TBCCD1: variants seen among roughly 807,000 people sequenced by gnomAD.
The protein encoded by TBCCD1 is TBCC domain-containing protein 1.
A neutral mutation model predicts 53.4 loss-of-function variants in TBCCD1; 26 were observed. The ratio of observed to expected loss-of-function variants is 0.49; its 90% CI spans 0.36 to 0.68. The LOEUF (loss-of-function observed/expected upper bound fraction) is 0.68, where lower values mean the gene tolerates loss of function less well. TBCCD1 is among the 30% of genes least tolerant of loss of function. TBCCD1 has a pLI of 0.00. For synonymous variants in TBCCD1, 245 were observed against 241.7 expected (o/e 1.01, Z -0.13); for missense variants, 558 against 669.5 (o/e 0.83, Z 1.84).
intron 2 of TBCCD1, among the ~76,000 whole-genome samples, chr3:186,561,797 AAT>A (rs1215492823): frequency 6.6e-6 from 1 of 152,066 alleles, no homozygotes; most frequent in Non-Finnish European, 1.5e-5. Flanking sequence ...TCAAAAAAAA[AAT>A]AAATAAATAG....
intron 7 of TBCCD1, among the ~76,000 whole-genome samples, chr3:186,549,694 T>C (rs1714314911): frequency 6.6e-6 from 1 of 152,130 alleles, no homozygotes; most frequent in South Asian, 2.1e-4. Context: ...CAGAGAAAAT[T>C]TGTATTTTTA....
At chr3:186,550,296 C>T (rs77082677) in intron 7 of TBCCD1, among the ~76,000 whole-genome samples, 3,344 of 149,822 alleles carry the variant, frequency 0.022, 120 homozygotes, top group African/African-American at 0.078. Context: ...GAATACCATA[C>T]GTTTGGGGCT....
rs1012100736 is a variant in TBCCD1, at chr3:186,567,286, T to TCCGCCGCACTTCTCCGCGCG, written c.-83_-64dup. On this transcript the variant is annotated 5_prime_UTR_variant, in exon 1 of 8. Transcript: ENST00000338733. ...GGTTACCTGCTAATGCAGGCGCCGC[T>TCCGCCGCACTTCTCCGCGCG]CCGCCGCACTTCTCCGCGCGCCGCC... is the stretch of plus-strand genomic sequence containing the variant. The TCCGCCGCACTTCTCCGCGCG allele has an allele frequency of 1.3e-5, 2 of 152,846 alleles. No individual in the cohort carries two copies. Among genetic ancestry groups the TCCGCCGCACTTCTCCGCGCG allele is most frequent in the African/African-American group, 4.8e-5 (2 of 41,418 alleles). 9.5% of individuals were successfully genotyped at this position (152,846 alleles called of 1,614,324 possible).
upstream of TBCCD1, chr3:186,570,290 C>T (rs1281898278): frequency 1.3e-5 from 7 of 550,508 alleles, no homozygotes. Context: ...ACCTCTGCTC[C>T]CTCATTCGGA....
rs544660633 is a variant in TBCCD1 at position 186,547,679 on chromosome 3, T to C, written c.*22-724A>G. On this transcript the variant is annotated intron_variant, in intron 7 of 7. Transcript: ENST00000338733. ...TGGAGTGCAGTGGGGTGCTCTCGGC[T>C]CACTGCAAGCTTCGCCTCCAAGGTT... Among the ~76,000 whole-genome samples, 417 of 150,924 alleles carry C rather than the reference T, an allele frequency of 2.8e-3. 2 individuals are homozygous for C. The highest frequency in any genetic ancestry group is 9.8e-3 in the African/African-American group (400 of 41,014).
Position 186,554,694 on chromosome 3 carries a change from A to G in TBCCD1, c.1104T>C (p.Thr368=). Residue 368 remains threonine (T), a synonymous_variant, in exon 6 of 8, where the codon ACT becomes ACC. Coordinates refer to ENST00000338733, the MANE Select transcript of TBCCD1 (RefSeq NM_018138.5). The part of the protein sequence containing the change: ...NSIFVLGPVG[T]TLHLHSCDNV... Reference sequence around the variant, plus strand: ...TGTCACAACTGTGGAGGTGAAGTGTAGTCCCTACAGGGCCCAAGACAAAGA... The same window carrying G: ...TGTCACAACTGTGGAGGTGAAGTGTGGTCCCTACAGGGCCCAAGACAAAGA... 6.2e-7 allele frequency: 1 copy of G among 1,614,218 alleles called. No individual in the cohort carries two copies. The highest frequency in any genetic ancestry group is 8.5e-7 in the Non-Finnish European group (1 of 1,180,018).
At chr3:186,567,354 C>T (rs1286664114), upstream of TBCCD1, 1 of 152,482 alleles carries the variant, frequency 6.6e-6, no homozygotes, top group South Asian at 2.1e-4. Flanking sequence ...CACCCTCCTC[C>T]GCGCGCCGCT....
At chr3:186,570,024 A>G, upstream of TBCCD1, 1 of 607,432 alleles carries the variant, frequency 1.6e-6, no homozygotes, top group Non-Finnish European at 3.0e-6. Context: ...AAATTCACAG[A>G]ACTGCCAATA....
chr3:186,554,571 A>G lies in TBCCD1; in HGVS notation c.1227T>C (p.Ser409=), dbSNP rs2108457058. ...GGGCAAAAGTTACTGTCTGGTTCCC[A>G]GAGAGAATAAGTGGGCGTGTAGGCG... is the stretch of plus-strand genomic sequence containing the variant. ...VLTPTRPLIL[S]GNQTVTFAPF... Residue 409 remains serine, a synonymous_variant, in exon 6 of 8, where the codon TCT becomes TCC. Coordinates refer to ENST00000338733, the MANE Select transcript of TBCCD1 (RefSeq NM_018138.5). 2.5e-6 allele frequency: 4 copies of G among 1,614,234 alleles called. No individual in the cohort carries two copies. In the East Asian group the frequency reaches 8.9e-5, roughly 36 times the overall value.
intron 7 of TBCCD1, among the ~76,000 whole-genome samples, chr3:186,550,220 T>C: frequency 7.4e-6 from 1 of 134,848 alleles, no homozygotes; most frequent in Admixed American, 7.5e-5. Flanking sequence ...AGAGGGAGAC[T>C]CTGCCTCAAA....
rs1296164755 is a variant in TBCCD1, at chr3:186,546,536, A to G, written c.*441T>C. 1 of 152,222 alleles carries G rather than the reference A, an allele frequency of 6.6e-6. No individual in the cohort carries two copies. The highest frequency in any genetic ancestry group is 1.5e-5 in the Non-Finnish European group (1 of 68,044). The allele number at this position is 152,222 out of a possible 1,614,324, so 9.4% of individuals were successfully genotyped here. ...AATGGAATGGAAATCAAAGTTCTTA[A>G]ATAGAACAGAAGGCTGGGCACGGTG... On this transcript the variant is annotated 3_prime_UTR_variant, in exon 8 of 8. Coordinates refer to ENST00000338733, the MANE Select transcript of TBCCD1 (RefSeq NM_018138.5).
At chr3:186,556,292 T>C (rs758179805) in intron 4 of TBCCD1, 117 bp downstream of exon 4, 17 of 1,163,936 alleles carry the variant, frequency 1.5e-5, no homozygotes, top group Non-Finnish European at 1.8e-5. Flanking sequence ...TTCTCTTTTA[T>C]AGGAGCAGTA....
At chr3:186,565,002 C>T (rs537077974) in intron 1 of TBCCD1, among the ~76,000 whole-genome samples, 1 of 151,808 alleles carries the variant, frequency 6.6e-6, no homozygotes, top group African/African-American at 2.4e-5. Context: ...AACAATGATA[C>T]ATGATTTTTA....
In TBCCD1 at chr3:186,558,528, T is replaced by C. The variant is rs755002999; in HGVS notation, c.381A>G (p.Gln127=). ...TCCTTAGGGAGACCTTGTTCAACTG[T>C]TGAATGTATAAGAAGAGCAGAAACT... ...TLQFLLFLYI[Q]QLNKVSLRTS... The change falls in exon 3 of 8, where the codon CAA becomes CAG. Residue 127 remains glutamine (Q), a synonymous_variant. Coordinates refer to ENST00000338733, the MANE Select transcript of TBCCD1 (RefSeq NM_018138.5). 9.9e-6 allele frequency: 16 copies of C among 1,614,158 alleles called. No individual in the cohort carries two copies. Among genetic ancestry groups the C allele is most frequent in the South Asian group, 7.7e-5 (7 of 91,080 alleles).
chr3:186,551,141 G>GT lies in TBCCD1; in HGVS notation c.*8dup. 1 of 1,609,500 alleles carries GT rather than the reference G, an allele frequency of 6.2e-7. No homozygotes were observed. The highest frequency in any genetic ancestry group is 8.5e-7 in the Non-Finnish European group (1 of 1,179,096). ...TATAAATGCCTACCAGTGTCTGCAT[G>GT]TAAGATCCTTATCCAGCTGCTTGTT... On this transcript the variant is annotated 3_prime_UTR_variant, in exon 7 of 8. Coordinates refer to ENST00000338733, the MANE Select transcript of TBCCD1 (RefSeq NM_018138.5).
At chr3:186,558,369 C>T (rs1714599147) in intron 3 of TBCCD1, 48 bp downstream of exon 3, 1 of 1,569,466 alleles carries the variant, frequency 6.4e-7, no homozygotes, top group Non-Finnish European at 8.7e-7. Context: ...AACCATCTCC[C>T]ACACAAATTG....
chr3:186,558,827 G>A (rs954708481), intron 2 of TBCCD1, among the ~76,000 whole-genome samples: 3 of 151,962 alleles, frequency 2.0e-5, no homozygotes, highest in Admixed American at 6.6e-5. Flanking sequence ...TGCAACCTCC[G>A]CCTTCCTGGT....
rs1714218744 is a variant in TBCCD1 at position 186,546,713 on chromosome 3, C to T, written c.*264G>A. The T allele has an allele frequency of 6.6e-6, 1 of 152,038 alleles. No individual in the cohort carries two copies. Among genetic ancestry groups the T allele is most frequent in the African/African-American group, 2.4e-5 (1 of 41,342 alleles). The allele number at this position is 152,038 out of a possible 1,614,324, so 9.4% of individuals were successfully genotyped here. A position where few individuals can be genotyped will look rare whatever the true frequency, so the allele number is the denominator to read the frequency against. On this transcript the variant is annotated 3_prime_UTR_variant, in exon 8 of 8. Transcript: ENST00000338733. Reference sequence around the variant, plus strand: ...GGGCGTGGTGGCGGGCGCCTGTAGTCCCAGCTACTCAGGAGGCTGAGGCAG... The same window carrying T: ...GGGCGTGGTGGCGGGCGCCTGTAGTTCCAGCTACTCAGGAGGCTGAGGCAG...
chr3:186,564,767 T>C (rs560556449), intron 1 of TBCCD1, among the ~76,000 whole-genome samples: 21 of 152,198 alleles, frequency 1.4e-4, no homozygotes, highest in Admixed American at 2.0e-4. Context: ...TTAAATCACT[T>C]ACACAGAAGA....
Sources: gnomAD v4.1 joint callset for allele counts (sites outside exome capture counted in the v4.1 genomes callset) on GRCh38, gnomAD v4.1.1 for gene constraint, MANE v1.5 for transcripts, NCBI Gene and HGNC (gene_info 2026-07-23, HGNC 2026-07-21) for gene names.